CCDC102B: variants seen among roughly 807,000 people sequenced by gnomAD.
The protein encoded by CCDC102B is coiled-coil domain containing 102B.
CCDC102B carries 75 observed loss-of-function variants against 57.4 expected under a neutral mutation model. The observed-to-expected ratio is 1.31, with a 90% CI of 1.08 to 1.58. CCDC102B has a LOEUF of 1.58. Ranked by LOEUF, CCDC102B falls within the 40% of genes most tolerant of loss-of-function variation. The pLI is 0.00. For synonymous variants in CCDC102B, 206 were observed against 201.9 expected (o/e 1.02, Z -0.17); for missense variants, 636 against 582.6 (o/e 1.09, Z -0.94).
At chr18:68,923,714 G>A (rs937016681) in intron 6 of CCDC102B, among the ~76,000 whole-genome samples, 5 of 152,114 alleles carry the variant, frequency 3.3e-5, no homozygotes, top group East Asian at 1.9e-4. Flanking sequence ...AGTTAGTGGC[G>A]ACCTTGGTAA....
At chr18:69,047,086 T>C (rs1025184294) in intron 7 of CCDC102B, among the ~76,000 whole-genome samples, 1 of 152,074 alleles carries the variant, frequency 6.6e-6, no homozygotes, top group African/African-American at 2.4e-5. Context: ...TGGGCTCTTT[T>C]TGCAGAGACA....
intron 6 of CCDC102B, among the ~76,000 whole-genome samples, chr18:68,916,320 G>A (rs1049833420): frequency 6.6e-6 from 1 of 152,160 alleles, no homozygotes; most frequent in African/African-American, 2.4e-5. Context: ...ACACCTCTGG[G>A]AAGTACCAGA....
At chr18:68,832,194 GTC>G (rs1357080613) in intron 1 of CCDC102B, among the ~76,000 whole-genome samples, 1 of 151,990 alleles carries the variant, frequency 6.6e-6, no homozygotes, top group Non-Finnish European at 1.5e-5. Flanking sequence ...TCTTTTTAAT[GTC>G]TCTTTTATCC....
chr18:68,900,695 A>G (rs548409720), intron 6 of CCDC102B, among the ~76,000 whole-genome samples: 4 of 152,280 alleles, frequency 2.6e-5, no homozygotes, highest in East Asian at 3.9e-4. Context: ...TAGTGTATCT[A>G]TATAACATAA....
intron 3 of CCDC102B, among the ~76,000 whole-genome samples, chr18:68,839,338 T>C (rs923141753): frequency 6.6e-6 from 1 of 152,168 alleles, no homozygotes; most frequent in Non-Finnish European, 1.5e-5. Context: ...ACAGAAAAAG[T>C]AGTCTTATAC....
At chr18:69,019,264 T>C (rs1382104105) in intron 7 of CCDC102B, among the ~76,000 whole-genome samples, 1 of 152,108 alleles carries the variant, frequency 6.6e-6, no homozygotes, top group African/African-American at 2.4e-5. Context: ...GGAAATTTCA[T>C]AGGTATTGTA....
At chr18:69,028,268 G>C (rs1290625637) in intron 7 of CCDC102B, among the ~76,000 whole-genome samples, 1 of 152,128 alleles carries the variant, frequency 6.6e-6, no homozygotes, top group African/African-American at 2.4e-5. Context: ...GAAATGAAGG[G>C]AGTAGAAAGA....
At chr18:68,937,605 T>C (rs1224280293) in intron 6 of CCDC102B, among the ~76,000 whole-genome samples, 6 of 152,094 alleles carry the variant, frequency 3.9e-5, no homozygotes, top group African/African-American at 1.4e-4. Context: ...CCAATGTTTT[T>C]ATTTTATTTT....
At chr18:68,797,055 G>A (rs570778439), upstream of CCDC102B, among the ~76,000 whole-genome samples, 18 of 152,104 alleles carry the variant, frequency 1.2e-4, no homozygotes, top group African/African-American at 2.2e-4. Context: ...TTAACATCAC[G>A]TGGGGAAAAT....
In CCDC102B at chr18:68,836,984, G is replaced by A. The variant is rs376386369; in HGVS notation, c.221G>A (p.Arg74His). 7.9e-5 allele frequency: 127 copies of A among 1,614,138 alleles called. No homozygotes were observed. The highest frequency in any genetic ancestry group is 1.0e-4 in the Non-Finnish European group (118 of 1,180,044). Residue 74 changes from arginine to histidine, a missense_variant, in exon 2 of 8, where the codon CGC becomes CAC. Coordinates refer to ENST00000360242, the MANE Select transcript of CCDC102B (RefSeq NM_024781.3). ...TNKWDICEEL[R>H]LRELEEVKAR... ...AAATGGGATATTTGTGAAGAACTTCGCCTGCGGGAGCTTGAAGAAGTCAAG... is the reference window on the plus strand; with the variant it reads ...AAATGGGATATTTGTGAAGAACTTCACCTGCGGGAGCTTGAAGAAGTCAAG...
chr18:68,753,165 G>A (rs1231928025), intron 2 of CCDC102B: 1 of 151,972 alleles, frequency 6.6e-6, no homozygotes, highest in African/African-American at 2.4e-5. Flanking sequence ...AAAAAGAATG[G>A]GGAATGCAAA....
intron 7 of CCDC102B, among the ~76,000 whole-genome samples, chr18:69,051,022 C>T: frequency 6.6e-6 from 1 of 152,060 alleles, no homozygotes; most frequent in East Asian, 1.9e-4. Flanking sequence ...GTAGCTGAGA[C>T]TACAGGCACG....
chr18:68,863,368 T>C (rs1460721153), intron 4 of CCDC102B, among the ~76,000 whole-genome samples: 1 of 151,940 alleles, frequency 6.6e-6, no homozygotes, highest in East Asian at 1.9e-4. Context: ...TTGGTTTGAA[T>C]CAATTTCAAG....
chr18:68,730,661 G>A (rs1005068813), intron 2 of CCDC102B, among the ~76,000 whole-genome samples: 13 of 152,050 alleles, frequency 8.5e-5, no homozygotes, highest in African/African-American at 1.9e-4. Context: ...TCTCACACTC[G>A]TTCATATACT....
intron 1 of CCDC102B, among the ~76,000 whole-genome samples, chr18:68,830,718 A>C (rs1025665705): frequency 2.0e-5 from 3 of 148,264 alleles, no homozygotes. Flanking sequence ...TAAGTCTCAA[A>C]ATTTGTACAC....
intron 6 of CCDC102B, among the ~76,000 whole-genome samples, chr18:69,003,452 C>G (rs975835876): frequency 6.6e-6 from 1 of 152,098 alleles, no homozygotes; most frequent in African/African-American, 2.4e-5. Context: ...CTCTACCCAG[C>G]AAAATTTGGG....
At chr18:69,006,837 A>G (rs1470752066) in intron 6 of CCDC102B, among the ~76,000 whole-genome samples, 3 of 152,186 alleles carry the variant, frequency 2.0e-5, no homozygotes, top group African/African-American at 7.2e-5. Flanking sequence ...TAACTTGTCA[A>G]ATCTTAAAGA....
At chr18:68,880,255 G>A (rs2039637266) in intron 5 of CCDC102B, among the ~76,000 whole-genome samples, 1 of 152,212 alleles carries the variant, frequency 6.6e-6, no homozygotes, top group South Asian at 2.1e-4. Flanking sequence ...GCCCCTCATT[G>A]CCCGGGGCCG....
intron 7 of CCDC102B, among the ~76,000 whole-genome samples, chr18:69,048,279 A>G (rs2052616288): frequency 6.6e-6 from 1 of 151,804 alleles, no homozygotes; most frequent in African/African-American, 2.4e-5. Flanking sequence ...AAATAAGTTG[A>G]GGGTCCAGAA....
Sources: allele counts gnomAD v4.1 joint callset (sites outside exome capture counted in the v4.1 genomes callset), GRCh38; gene constraint gnomAD v4.1.1; transcripts MANE v1.5; gene names NCBI Gene and HGNC (gene_info 2026-07-23, HGNC 2026-07-21).